The following UPRT variants were observed in gnomAD, a reference collection of about 807,000 sequenced individuals.
The protein encoded by UPRT is uracil phosphoribosyltransferase homolog.
Under a neutral mutation model 22.6 loss-of-function variants are expected in UPRT, and 5 were observed. The ratio of observed to expected loss-of-function variants is 0.22; its 90% CI spans 0.12 to 0.47. The LOEUF (loss-of-function observed/expected upper bound fraction) is 0.47. Ranked by LOEUF, UPRT falls within the 20% of genes least tolerant of loss-of-function variation. UPRT has a pLI of 0.99. For synonymous variants in UPRT, 77 were observed against 87.7 expected, an observed-to-expected ratio of 0.88 and a Z score of 0.68; for missense variants, 181 against 239.9, an observed-to-expected ratio of 0.75 and a Z score of 1.62.
At chrX:75,236,822 G>A (rs745816998) in intron 4 of UPRT, among the ~76,000 whole-genome samples, 2 of 112,208 alleles carry the variant, frequency 1.8e-5, no homozygotes, top group South Asian at 3.7e-4. Flanking sequence ...AGACTTAAAC[G>A]TTTGACCTAA....
At chrX:75,269,409 C>CT (rs1569278843), upstream of UPRT, among the ~76,000 whole-genome samples, 16 of 111,242 alleles carry the variant, frequency 1.4e-4, no homozygotes, top group Non-Finnish European at 2.1e-4. Flanking sequence ...ATCTACTTTA[C>CT]ATTTCATATG....
rs956486900 is a variant in UPRT at position 75,244,154 on chromosome X, G to T, written c.-446-46870G>T. 3.6e-5 allele frequency among the ~76,000 whole-genome samples: 4 copies of T among 111,484 alleles called. No homozygotes were observed. In the East Asian group the frequency reaches 1.1e-3, roughly 31 times the overall value. ...AAAATAAAGGGAGAAAAATACCACT[G>T]ATACCAATACCAAAACAACAAACAA... On this transcript the variant is annotated intron_variant, in intron 4 of 13. Coordinates refer to the UPRT transcript ENST00000652605.
rs1255693735 is a variant in UPRT, at chrX:75,299,780, G to T, written c.608G>T (p.Arg203Leu). Residue 203 changes from arginine to leucine, a missense_variant, in exon 5 of 7, where the codon CGA becomes CTA. Coordinates refer to ENST00000373383, the MANE Select transcript of UPRT (RefSeq NM_145052.4). Reference protein sequence around the residue: ...QGLRDCCRSIRIGKILIQSDE... With the variant: ...QGLRDCCRSILIGKILIQSDE... ...TTACGAGACTGCTGTCGATCCATACGAATTGGAAAGATCCTGATTCAGAGT... is the reference window on the plus strand; with the variant it reads ...TTACGAGACTGCTGTCGATCCATACTAATTGGAAAGATCCTGATTCAGAGT... 1 of 1,210,989 alleles carries T rather than the reference G, an allele frequency of 8.3e-7. No individual in the cohort carries two copies. Among genetic ancestry groups the T allele is most frequent in the Non-Finnish European group, 1.1e-6 (1 of 895,282 alleles).
rs187757098 is a variant in UPRT at position 75,187,801 on chromosome X, C to G, written c.-447+19922C>G. On this transcript the variant is annotated intron_variant, in intron 4 of 13. Transcript: ENST00000652605. ...TCTTCCATTGCTGATACCCTTTCTT[C>G]CAGTTGACCGCATCAGCTCCTGAGG... Among the ~76,000 whole-genome samples the G allele has an allele frequency of 4.2e-3, 466 of 112,077 alleles. 6 individuals carry two copies. The East Asian group carries it at 0.056, about 13-fold the overall frequency.
chrX:75,209,399 GT>G (rs1465602928), intron 4 of UPRT, among the ~76,000 whole-genome samples: 1 of 110,843 alleles, frequency 9.0e-6, no homozygotes, highest in Non-Finnish European at 1.9e-5. Context: ...TTGAGACAGA[GT>G]TTCGCTCTTG....
chrX:75,272,775 A>G (rs1020800525), upstream of UPRT, among the ~76,000 whole-genome samples: 1 of 111,352 alleles, frequency 9.0e-6, no homozygotes, highest in African/African-American at 3.3e-5. Context: ...AGGCATGTTA[A>G]AAAAAGGAAG....
rs775465007 is a variant in UPRT at position 75,179,844 on chromosome X, A to T, written c.-447+11965A>T. ...GCCCGCCAAGCCCACACCTACCCGG[A>T]ACTCCAGCTGGCCCGCAAGCGCCGC... On this transcript the variant is annotated intron_variant, in intron 4 of 13. Coordinates refer to the UPRT transcript ENST00000652605. 3.3e-3 allele frequency among the ~76,000 whole-genome samples: 373 copies of T among 112,719 alleles called. 2 individuals are homozygous for T. Among genetic ancestry groups the T allele is most frequent in the African/African-American group, 0.011 (355 of 31,087 alleles).
At chrX:75,164,242 C>T (rs943080524) in intron 3 of UPRT, among the ~76,000 whole-genome samples, 4 of 111,718 alleles carry the variant, frequency 3.6e-5, no homozygotes, top group African/African-American at 9.8e-5. Flanking sequence ...AACATGCACA[C>T]GCATGCTTTC....
At chrX:75,248,875 A>G (rs2082517255) in intron 4 of UPRT, among the ~76,000 whole-genome samples, 1 of 112,294 alleles carries the variant, frequency 8.9e-6, no homozygotes, top group Admixed American at 9.5e-5. Context: ...CAGAAATTCT[A>G]CAAGCCAGAA....
At chrX:75,266,027 G>T (rs1344459535) in intron 4 of UPRT, among the ~76,000 whole-genome samples, 2 of 111,102 alleles carry the variant, frequency 1.8e-5, no homozygotes, top group East Asian at 2.8e-4. Flanking sequence ...AGGTAATTTA[G>T]AGATTCAATG....
At chrX:75,290,483 ACC>A (rs2082702198) in intron 1 of UPRT, among the ~76,000 whole-genome samples, 3 of 111,763 alleles carry the variant, frequency 2.7e-5, no homozygotes, top group Non-Finnish European at 5.6e-5. Context: ...CTACCAAAAA[ACC>A]ACACGCACTT....
chrX:75,178,398 T>A (rs1212666613), intron 4 of UPRT, among the ~76,000 whole-genome samples: 1 of 111,654 alleles, frequency 9.0e-6, no homozygotes, highest in Non-Finnish European at 1.9e-5. Flanking sequence ...GTCTCACCGC[T>A]TGGCAATTGT....
chrX:75,283,245 T>C (rs1361745366), intron 1 of UPRT, among the ~76,000 whole-genome samples: 1 of 112,061 alleles, frequency 8.9e-6, no homozygotes, highest in Non-Finnish European at 1.9e-5. Flanking sequence ...TTTGTATCTT[T>C]TAAGTGGAGC....
intron 4 of UPRT, among the ~76,000 whole-genome samples, chrX:75,267,137 A>T (rs1332718848): frequency 8.9e-6 from 1 of 111,969 alleles, no homozygotes; most frequent in Non-Finnish European, 1.9e-5. Flanking sequence ...ACACATGCGC[A>T]TGTATGTTTA....
intron 4 of UPRT, among the ~76,000 whole-genome samples, chrX:75,184,660 T>C (rs1379602358): frequency 1.8e-5 from 2 of 108,174 alleles, no homozygotes; most frequent in Non-Finnish European, 3.8e-5. Context: ...CCCATGAGCA[T>C]GGAATGTTCT....
chrX:75,205,318 C>T (rs181741066), intron 4 of UPRT, among the ~76,000 whole-genome samples: 124 of 100,991 alleles, frequency 1.2e-3, no homozygotes, highest in African/African-American at 4.2e-3. Flanking sequence ...TGCAGTGAGC[C>T]GAGATTGCGC....
At chrX:75,214,247 CA>C (rs1368050486) in intron 4 of UPRT, among the ~76,000 whole-genome samples, 2 of 112,287 alleles carry the variant, frequency 1.8e-5, no homozygotes, top group Non-Finnish European at 3.8e-5. Flanking sequence ...CAAAGAGACT[CA>C]ATGTAAATGT....
At chrX:75,300,552 C>T (rs1381703994) in intron 5 of UPRT, among the ~76,000 whole-genome samples, 1 of 111,478 alleles carries the variant, frequency 9.0e-6, no homozygotes, top group African/African-American at 3.3e-5. Context: ...TTTGGGAGGT[C>T]GAGGTGGAAG....
chrX:75,228,554 C>T lies in UPRT; in HGVS notation c.-447+60675C>T, dbSNP rs186760904. On this transcript the variant is annotated intron_variant, in intron 4 of 13. Transcript: ENST00000652605. ...GCATTATTATGCCTATAGCAGTGTT[C>T]AGCAGAATTGCATTCTCTTTCTCTT... is the stretch of plus-strand genomic sequence containing the variant. Among the ~76,000 whole-genome samples the T allele has an allele frequency of 2.7e-5, 3 of 112,014 alleles. No homozygotes were observed. In the East Asian group the frequency reaches 8.4e-4, roughly 32 times the overall value.
Sources: gnomAD v4.1 joint callset for allele counts (sites outside exome capture counted in the v4.1 genomes callset) on GRCh38, gnomAD v4.1.1 for gene constraint, MANE v1.5 for transcripts, NCBI Gene and HGNC (gene_info 2026-07-23, HGNC 2026-07-21) for gene names.